Variants in ZNF536 observed in about 807,000 individuals in gnomAD.
The protein encoded by ZNF536 is zinc finger protein 536.
In ZNF536, 13 loss-of-function variants were observed where a neutral mutation model predicts 84.5. The observed-to-expected ratio is 0.15, with a 90% CI of 0.10 to 0.24. The LOEUF is 0.24. Among genes scored for constraint, ZNF536 ranks in the 10% least tolerant of loss-of-function variants. The probability of loss-of-function intolerance (pLI) is 1.00; values close to 1 mark genes in which losing one functional copy is unlikely to be tolerated. For missense variants in ZNF536, 1,536 were observed against 1,747.5 expected, an observed-to-expected ratio of 0.88 and a Z score of 2.16; for synonymous variants, 811 against 742.5, an observed-to-expected ratio of 1.09 and a Z score of -1.50.
exon 2 of ZNF536, chr19:30,711,054 A>G (rs1380837015): frequency 6.6e-6 from 1 of 152,202 alleles, no homozygotes; most frequent in Non-Finnish European, 1.5e-5. Flanking sequence ...AACATTATGC[A>G]TCTGGTAAAA....
intron 1 of ZNF536, among the ~76,000 whole-genome samples, chr19:30,613,708 T>C (rs1019142379): frequency 7.2e-5 from 11 of 152,124 alleles, no homozygotes; most frequent in African/African-American, 2.7e-4. Flanking sequence ...AAGAATTGAG[T>C]CTTTCTCTTA....
intron 1 of ZNF536, among the ~76,000 whole-genome samples, chr19:30,391,942 A>G (rs2049606817): frequency 6.6e-6 from 1 of 152,164 alleles, no homozygotes; most frequent in Non-Finnish European, 1.5e-5. Flanking sequence ...CGTCTTAGAC[A>G]TCTCTCTAGC....
rs1435607479 is a variant in ZNF536, at chr19:30,572,767, T to C, written c.169+23253T>C. On this transcript the variant is annotated intron_variant, in intron 1 of 1. Coordinates refer to the ZNF536 transcript ENST00000592773. ...TGAGGCAGGAGGAAGAGCTGGACCT[T>C]CACATGAGAAGGTCAGGATTCTATA... 2.0e-5 allele frequency among the ~76,000 whole-genome samples: 3 copies of C among 152,076 alleles called. No individual in the cohort carries two copies. In the East Asian group the frequency reaches 5.8e-4, roughly 29 times the overall value.
chr19:30,424,868 T>C (rs183961221), intron 1 of ZNF536, among the ~76,000 whole-genome samples: 2 of 152,218 alleles, frequency 1.3e-5, no homozygotes, highest in Admixed American at 1.3e-4. Flanking sequence ...GAGTGCCCAT[T>C]CTGTCCAGGG....
intron 2 of ZNF536, among the ~76,000 whole-genome samples, chr19:30,293,279 G>T (rs944605255): frequency 6.6e-6 from 1 of 152,150 alleles, no homozygotes; most frequent in African/African-American, 2.4e-5. Flanking sequence ...TGTGGACTTG[G>T]TACCAGGAAC....
At chr19:30,403,826 G>A (rs1276455779) in intron 1 of ZNF536, among the ~76,000 whole-genome samples, 1 of 152,120 alleles carries the variant, frequency 6.6e-6, no homozygotes. Context: ...GTCTGCACCA[G>A]GCTTTTGATG....
chr19:30,666,506 G>A (rs2050325517), intron 1 of ZNF536, among the ~76,000 whole-genome samples: 1 of 152,024 alleles, frequency 6.6e-6, no homozygotes, highest in African/African-American at 2.4e-5. Context: ...GTAGATGGCG[G>A]CCTCTGCACA....
intron 1 of ZNF536, among the ~76,000 whole-genome samples, chr19:30,383,955 C>CT (rs1555738239): frequency 6.7e-5 from 6 of 89,128 alleles, no homozygotes; most frequent in African/African-American, 2.6e-4. Flanking sequence ...CTCCCCTCCC[C>CT]TCCCCTTCCC....
chr19:30,682,510 A>G (rs1456542595), intron 1 of ZNF536, among the ~76,000 whole-genome samples: 1 of 152,174 alleles, frequency 6.6e-6, no homozygotes, highest in Non-Finnish European at 1.5e-5. Context: ...AGAAGGAGGC[A>G]ATTCAGATAC....
chr19:30,296,498 T>C (rs763682727), intron 2 of ZNF536, among the ~76,000 whole-genome samples: 1 of 152,200 alleles, frequency 6.6e-6, no homozygotes, highest in Non-Finnish European at 1.5e-5. Context: ...TGTATGGCTC[T>C]TGACAGTGCA....
At position 30,494,945 on chromosome 19, in the gene ZNF536, C is replaced by CAAAAAAA. The variant is rs1252256481; in HGVS notation, c.2171-39896_2171-39895insAAAAAAA. Among the ~76,000 whole-genome samples the CAAAAAAA allele has an allele frequency of 4.3e-5, 3 of 69,944 alleles. 1 individual carries two copies. The highest frequency in any genetic ancestry group is 1.6e-4 in the African/African-American group (3 of 18,342). The allele number at this position is 69,944 out of a possible 152,430, so 45.9% of individuals were successfully genotyped here. Reference sequence around the variant, plus strand: ...TGGGCAACAGAGTGAGACTCCGTCTCAAAAAAGAAAAAAAAAAAAAAAAAA... The same window carrying CAAAAAAA: ...TGGGCAACAGAGTGAGACTCCGTCTCAAAAAAAAAAAAAGAAAAAAAAAAAAAAAAAA... On this transcript the variant is annotated intron_variant, in intron 2 of 4. Transcript: ENST00000355537.
intron 1 of ZNF536, among the ~76,000 whole-genome samples, chr19:30,393,810 G>A (rs995530048): frequency 3.9e-5 from 6 of 152,220 alleles, no homozygotes; most frequent in African/African-American, 1.4e-4. Flanking sequence ...AGGCCTTGAT[G>A]AAGGATTTTA....
intron 2 of ZNF536, among the ~76,000 whole-genome samples, chr19:30,516,014 G>A (rs867280591): frequency 8.0e-6 from 1 of 125,308 alleles, no homozygotes; most frequent in Non-Finnish European, 1.6e-5. Context: ...GTGACAGAGT[G>A]AGACTCCATC....
At chr19:30,561,712 C>T (rs1027803386), downstream of ZNF536, among the ~76,000 whole-genome samples, 11 of 152,140 alleles carry the variant, frequency 7.2e-5, no homozygotes, top group South Asian at 2.1e-4. Context: ...TTGAAGGAGC[C>T]GGGGTATTTA....
chr19:30,375,074 G>T (rs184499605), intron 1 of ZNF536, among the ~76,000 whole-genome samples: 1,757 of 151,868 alleles, frequency 0.012, 34 homozygotes, highest in African/African-American at 0.04. Flanking sequence ...TACCAAAGAC[G>T]GTGGGAGTAA....
At chr19:30,540,187 C>T (rs912171706) in intron 3 of ZNF536, among the ~76,000 whole-genome samples, 1 of 152,032 alleles carries the variant, frequency 6.6e-6, no homozygotes, top group African/African-American at 2.4e-5. Flanking sequence ...CGCCCGGCAC[C>T]CCCCAACTCC....
At chr19:30,612,771 C>A (rs1047384925) in intron 1 of ZNF536, among the ~76,000 whole-genome samples, 1 of 152,172 alleles carries the variant, frequency 6.6e-6, no homozygotes. Context: ...CTTACCTTCC[C>A]TTAGTTCAAT....
intron 1 of ZNF536, among the ~76,000 whole-genome samples, chr19:30,710,339 C>A (rs1028809946): frequency 6.6e-6 from 1 of 152,118 alleles, no homozygotes; most frequent in South Asian, 2.1e-4. Context: ...GGCAGGAGCT[C>A]GAGACCAGCC....
chr19:30,589,994 G>A (rs1307052240), intron 1 of ZNF536, among the ~76,000 whole-genome samples: 2 of 152,190 alleles, frequency 1.3e-5, no homozygotes, highest in African/African-American at 4.8e-5. Context: ...ATAGTAAAAT[G>A]TTGATTATAT....
Sources: gnomAD v4.1 joint callset for allele counts (sites outside exome capture counted in the v4.1 genomes callset) on GRCh38, gnomAD v4.1.1 for gene constraint, MANE v1.5 for transcripts, NCBI Gene and HGNC (gene_info 2026-07-23, HGNC 2026-07-21) for gene names.